Variants in PPFIA2 observed in about 807,000 individuals in gnomAD.
The protein encoded by PPFIA2 is liprin-alpha-2.
A neutral mutation model predicts 175.5 loss-of-function variants in PPFIA2; 46 were observed. The observed-to-expected ratio is 0.26, with a 90% CI of 0.21 to 0.34. The LOEUF is 0.34. Among genes scored for constraint, PPFIA2 ranks in the 10% least tolerant of loss-of-function variants. The pLI is 1.00. For missense variants in PPFIA2, 1,179 were observed against 1,506.1 expected (o/e 0.78, Z 3.60); for synonymous variants, 568 against 511.4 (o/e 1.11, Z -1.49).
intron 3 of PPFIA2, among the ~76,000 whole-genome samples, chr12:81,745,656 G>A (rs1027306886): frequency 6.6e-6 from 1 of 152,130 alleles, no homozygotes; most frequent in African/African-American, 2.4e-5. Context: ...ATAACCCTAA[G>A]CAAGCTCCCC....
chr12:81,338,490 T>C (rs1212499882), intron 21 of PPFIA2, among the ~76,000 whole-genome samples: 3 of 152,056 alleles, frequency 2.0e-5, no homozygotes, highest in Admixed American at 6.6e-5. Flanking sequence ...ATTCTATTAG[T>C]CACTGACAAT....
chr12:81,597,925 T>C (rs1160808630), intron 4 of PPFIA2: 3 of 1,531,396 alleles, frequency 2.0e-6, no homozygotes, highest in South Asian at 2.4e-5. Flanking sequence ...ACTTACTAAG[T>C]AGTGAAGCCA....
intron 3 of PPFIA2, among the ~76,000 whole-genome samples, chr12:81,725,462 C>G (rs1382067567): frequency 6.6e-6 from 1 of 150,772 alleles, no homozygotes; most frequent in Admixed American, 6.6e-5. Context: ...TTCTTTTAAA[C>G]TGCAGAATAT....
intron 4 of PPFIA2, among the ~76,000 whole-genome samples, chr12:81,653,795 TTCCTCAGAGAAG>T (rs1234769071): frequency 6.6e-6 from 1 of 152,072 alleles, no homozygotes; most frequent in Non-Finnish European, 1.5e-5. Flanking sequence ...TGAAAATCAC[TTCCTCAGAGAAG>T]TCTTCCTTGA....
chr12:81,439,601 C>T (rs2144959354), intron 7 of PPFIA2, among the ~76,000 whole-genome samples: 1 of 152,244 alleles, frequency 6.6e-6, no homozygotes, highest in South Asian at 2.1e-4. Context: ...AAGTATATCT[C>T]TCCAAGGAGT....
At chr12:81,607,728 C>CAT (rs142457118) in intron 4 of PPFIA2, among the ~76,000 whole-genome samples, 9,258 of 152,048 alleles carry the variant, frequency 0.061, 403 homozygotes, top group East Asian at 0.22. Context: ...AGTACAGAAC[C>CAT]ATATCATCAG....
chr12:81,610,753 C>T (rs531908152), intron 4 of PPFIA2, among the ~76,000 whole-genome samples: 2 of 152,142 alleles, frequency 1.3e-5, no homozygotes, highest in Non-Finnish European at 2.9e-5. Flanking sequence ...TGGCTAAGAA[C>T]CATTGCTGAG....
chr12:81,665,377 C>A (rs185151730), intron 4 of PPFIA2, among the ~76,000 whole-genome samples: 2 of 151,976 alleles, frequency 1.3e-5, no homozygotes, highest in East Asian at 3.9e-4. Context: ...AAAATGCTTC[C>A]CACATTTGTA....
intron 3 of PPFIA2, among the ~76,000 whole-genome samples, chr12:81,684,110 T>A (rs1160384894): frequency 6.6e-6 from 1 of 152,090 alleles, no homozygotes; most frequent in Non-Finnish European, 1.5e-5. Flanking sequence ...GGACAAACAT[T>A]AAAACCATAG....
At chr12:81,475,745 T>G (rs1251019705) in intron 4 of PPFIA2, among the ~76,000 whole-genome samples, 1 of 152,130 alleles carries the variant, frequency 6.6e-6, no homozygotes, top group East Asian at 1.9e-4. Flanking sequence ...ACGAGTCTCC[T>G]TCTGTCGCCC....
chr12:81,567,381 G>A (rs74106651), intron 4 of PPFIA2, among the ~76,000 whole-genome samples: 3,485 of 152,180 alleles, frequency 0.023, 134 homozygotes, highest in African/African-American at 0.08. Flanking sequence ...ATAATTGATA[G>A]GAGTGTTTTT....
In PPFIA2 at chr12:81,401,377, A is replaced by G. The variant is rs181297477; in HGVS notation, c.762+4410T>C. The stretch of plus-strand genomic sequence containing the variant: ...AAGTTGGCAAGACTATTTTATCTGA[A>G]ACTCAGAGTCAGCGGTGTTAAGGGT... On this transcript the variant is annotated intron_variant, in intron 8 of 32. Coordinates refer to ENST00000549396, the MANE Select transcript of PPFIA2 (RefSeq NM_003625.5). Among the ~76,000 whole-genome samples, 75 of 152,240 alleles carry G rather than the reference A, an allele frequency of 4.9e-4. 1 individual carries two copies. Among genetic ancestry groups the G allele is most frequent in the African/African-American group, 1.8e-3 (74 of 41,546 alleles).
intron 4 of PPFIA2, among the ~76,000 whole-genome samples, chr12:81,599,792 T>C (rs899251538): frequency 1.3e-5 from 2 of 151,960 alleles, no homozygotes; most frequent in African/African-American, 4.8e-5. Context: ...CAGCTTTTCT[T>C]TGTTTCTCAT....
At chr12:81,333,717 G>T (rs1216727905) in intron 21 of PPFIA2, among the ~76,000 whole-genome samples, 5 of 151,762 alleles carry the variant, frequency 3.3e-5, no homozygotes, top group African/African-American at 4.8e-5. Flanking sequence ...TATTTTTGGT[G>T]GGGGGGATAG....
chr12:81,554,268 A>T (rs1174808640), intron 4 of PPFIA2, among the ~76,000 whole-genome samples: 1 of 152,016 alleles, frequency 6.6e-6, no homozygotes, highest in Non-Finnish European at 1.5e-5. Flanking sequence ...AATTTTAGGT[A>T]CTTAATTAGT....
At chr12:81,407,847 T>G (rs930576706) in intron 7 of PPFIA2, among the ~76,000 whole-genome samples, 1 of 152,242 alleles carries the variant, frequency 6.6e-6, no homozygotes, top group Non-Finnish European at 1.5e-5. Context: ...TTTTTGTGCA[T>G]GTAGCACTCA....
chr12:81,727,870 C>T (rs1477273611), intron 3 of PPFIA2, among the ~76,000 whole-genome samples: 1 of 151,344 alleles, frequency 6.6e-6, no homozygotes, highest in Non-Finnish European at 1.5e-5. Flanking sequence ...AGTTGCATGG[C>T]TCTGTGAAAA....
At chr12:81,294,008 A>C (rs2045755496) in intron 24 of PPFIA2, among the ~76,000 whole-genome samples, 2 of 143,602 alleles carry the variant, frequency 1.4e-5, no homozygotes, top group Non-Finnish European at 3.0e-5. Context: ...GGAACTGGAG[A>C]CCATTATCCC....
At chr12:81,499,809 T>A (rs968085354) in intron 4 of PPFIA2, among the ~76,000 whole-genome samples, 1 of 151,962 alleles carries the variant, frequency 6.6e-6, no homozygotes, top group African/African-American at 2.4e-5. Flanking sequence ...ATCTTGTCAG[T>A]GCTTCCTAAA....
Sources: gnomAD v4.1 joint callset for allele counts (sites outside exome capture counted in the v4.1 genomes callset) on GRCh38, gnomAD v4.1.1 for gene constraint, MANE v1.5 for transcripts, NCBI Gene and HGNC (gene_info 2026-07-23, HGNC 2026-07-21) for gene names.